Variants in CLSTN2 observed in about 807,000 individuals in gnomAD.
CLSTN2 encodes the protein calsyntenin 2.
In CLSTN2, 48 loss-of-function variants were observed where a neutral mutation model predicts 101.2. The ratio of observed to expected loss-of-function variants is 0.47; its 90% CI spans 0.38 to 0.60. CLSTN2 has a LOEUF of 0.60. CLSTN2 is among the 20% of genes least tolerant of loss of function. CLSTN2 has a pLI of 0.00. For synonymous variants in CLSTN2, 481 were observed against 463.6 expected (o/e 1.04, Z -0.48); for missense variants, 1,160 against 1,238.2 (o/e 0.94, Z 0.95).
chr3:140,359,628 C>A (rs2087706738), intron 2 of CLSTN2, among the ~76,000 whole-genome samples: 1 of 152,188 alleles, frequency 6.6e-6, no homozygotes, highest in Non-Finnish European at 1.5e-5. Context: ...ATACATTGAA[C>A]ACGATTTAAA....
At chr3:140,179,428 G>A (rs2010372668) in intron 2 of CLSTN2, among the ~76,000 whole-genome samples, 1 of 149,680 alleles carries the variant, frequency 6.7e-6, no homozygotes, top group African/African-American at 2.4e-5. Context: ...TACCGGCCTG[G>A]GAAACATGGT....
chr3:140,461,059 T>C (rs1034526679), intron 7 of CLSTN2: 1 of 152,222 alleles, frequency 6.6e-6, no homozygotes, highest in Non-Finnish European at 1.5e-5. Context: ...AGTGTTCCAG[T>C]AATTTATTTG....
chr3:140,150,089 A>G (rs2009839284), intron 1 of CLSTN2, among the ~76,000 whole-genome samples: 1 of 152,188 alleles, frequency 6.6e-6, no homozygotes, highest in Non-Finnish European at 1.5e-5. Context: ...TGTTTGTGGC[A>G]TATTCTACTC....
At position 140,206,910 on chromosome 3, in the gene CLSTN2, G is replaced by T. The variant is rs77579896; in HGVS notation, c.232+30837G>T. The stretch of plus-strand genomic sequence containing the variant: ...ACCTACAGCGCAGCTCTGGCCACCT[G>T]CCTGAGCTGGGAATTCCTATTCCCA... On this transcript the variant is annotated intron_variant, in intron 2 of 16. Coordinates refer to ENST00000458420, the MANE Select transcript of CLSTN2 (RefSeq NM_022131.3). 7.5e-3 allele frequency among the ~76,000 whole-genome samples: 1,149 copies of T among 152,308 alleles called. 12 individuals are homozygous for T. Among genetic ancestry groups the T allele is most frequent in the African/African-American group, 0.026 (1,068 of 41,568 alleles).
chr3:140,225,486 T>TTTTG (rs60470942), intron 2 of CLSTN2, among the ~76,000 whole-genome samples: 70,136 of 150,736 alleles, frequency 0.47, 17,124 homozygotes, highest in East Asian at 0.88. Context: ...GCACTGACAT[T>TTTTG]TTTGTTTGTT....
chr3:140,107,845 A>G (rs1290682023), intron 1 of CLSTN2, among the ~76,000 whole-genome samples: 1 of 152,198 alleles, frequency 6.6e-6, no homozygotes, highest in Non-Finnish European at 1.5e-5. Context: ...TCAATCTTTT[A>G]ATTCTCACAA....
At chr3:140,482,849 C>G (rs532951353) in intron 8 of CLSTN2, among the ~76,000 whole-genome samples, 2 of 152,202 alleles carry the variant, frequency 1.3e-5, no homozygotes, top group Admixed American at 1.3e-4. Flanking sequence ...CCTCATTGGT[C>G]TTGCTAGCGG....
intron 12 of CLSTN2, 137 bp from the exon 13 acceptor site, chr3:140,562,001 G>T: frequency 1.5e-6 from 1 of 653,278 alleles, no homozygotes; most frequent in East Asian, 2.7e-5. Flanking sequence ...GGTGGATGTG[G>T]TATTTGGGAT....
intron 1 of CLSTN2, among the ~76,000 whole-genome samples, chr3:139,994,363 T>A (rs768046274): frequency 6.6e-6 from 1 of 152,212 alleles, no homozygotes; most frequent in African/African-American, 2.4e-5. Context: ...CATGTCCATA[T>A]CACTTAATCC....
intron 1 of CLSTN2, among the ~76,000 whole-genome samples, chr3:140,066,308 G>A (rs1424482320): frequency 6.6e-6 from 1 of 152,166 alleles, no homozygotes; most frequent in African/African-American, 2.4e-5. Context: ...CTCTTAAAGG[G>A]AAGCACATAG....
chr3:140,268,530 G>T (rs1227756412), intron 2 of CLSTN2, among the ~76,000 whole-genome samples: 1 of 152,164 alleles, frequency 6.6e-6, no homozygotes, highest in Non-Finnish European at 1.5e-5. Context: ...GCTTTCATGT[G>T]GCACTCTGGG....
At chr3:140,433,479 C>T (rs1576565203) in intron 5 of CLSTN2, among the ~76,000 whole-genome samples, 1 of 152,370 alleles carries the variant, frequency 6.6e-6, no homozygotes, top group Middle Eastern at 3.4e-3. Context: ...GCTGCACAGT[C>T]TGCCTACTCC....
intron 1 of CLSTN2, among the ~76,000 whole-genome samples, chr3:139,971,452 G>A (rs1333984242): frequency 1.3e-5 from 2 of 152,216 alleles, no homozygotes; most frequent in Non-Finnish European, 2.9e-5. Flanking sequence ...ACACAAAGGA[G>A]TGGGCTACAG....
chr3:140,553,483 A>T (rs1008502343), intron 10 of CLSTN2, among the ~76,000 whole-genome samples: 11 of 152,202 alleles, frequency 7.2e-5, no homozygotes, highest in African/African-American at 2.7e-4. Flanking sequence ...TGCTCTTTTA[A>T]AGATGCCTTA....
At chr3:140,358,756 T>C (rs937790747) in intron 2 of CLSTN2, among the ~76,000 whole-genome samples, 3 of 152,116 alleles carry the variant, frequency 2.0e-5, no homozygotes, top group African/African-American at 7.2e-5. Flanking sequence ...TCCCTTATTT[T>C]GATCCCATTA....
At chr3:139,939,376 A>G (rs931222065) in intron 1 of CLSTN2, among the ~76,000 whole-genome samples, 3 of 152,212 alleles carry the variant, frequency 2.0e-5, no homozygotes, top group African/African-American at 7.2e-5. Flanking sequence ...CTCCAGCTAG[A>G]GGGTGTGGCA....
intron 2 of CLSTN2, among the ~76,000 whole-genome samples, chr3:140,372,118 C>CT (rs1184581508): frequency 3.3e-5 from 5 of 152,142 alleles, no homozygotes; most frequent in Non-Finnish European, 5.9e-5. Context: ...TACTGTTGCC[C>CT]TGCCTGGAAT....
At chr3:140,308,711 CGTACAGT>C (rs1408628075) in intron 2 of CLSTN2, among the ~76,000 whole-genome samples, 1 of 152,224 alleles carries the variant, frequency 6.6e-6, no homozygotes, top group Non-Finnish European at 1.5e-5. Context: ...AACCTCTCAA[CGTACAGT>C]GCCAAATTAT....
At chr3:140,286,152 G>A (rs1261143819) in intron 2 of CLSTN2, among the ~76,000 whole-genome samples, 4 of 152,068 alleles carry the variant, frequency 2.6e-5, no homozygotes, top group South Asian at 2.1e-4. Flanking sequence ...AACTGCCCCC[G>A]GTAAAGGAAG....
Sources: allele counts gnomAD v4.1 joint callset (sites outside exome capture counted in the v4.1 genomes callset), GRCh38; gene constraint gnomAD v4.1.1; transcripts MANE v1.5; gene names NCBI Gene and HGNC (gene_info 2026-07-23, HGNC 2026-07-21).